The following DRD3 variants were observed in gnomAD, a reference collection of about 807,000 sequenced individuals.
DRD3 encodes the protein dopamine receptor D3.
A neutral mutation model predicts 36.3 loss-of-function variants in DRD3; 19 were observed. The observed-to-expected ratio is 0.52, with a 90% CI of 0.36 to 0.77. The LOEUF is 0.77. Among genes scored for constraint, DRD3 ranks in the 30% least tolerant of loss-of-function variants. The pLI is 0.00. For synonymous variants in DRD3, 195 were observed against 203.7 expected (o/e 0.96, Z 0.36); for missense variants, 465 against 505.3 (o/e 0.92, Z 0.77).
At chr3:114,174,431 A>C (rs570973436) in intron 1 of DRD3, among the ~76,000 whole-genome samples, 117 of 151,500 alleles carry the variant, frequency 7.7e-4, no homozygotes, top group Middle Eastern at 3.4e-3. Context: ...TGGACTTTTT[A>C]CTCTGCCAAG....
intron 6 of DRD3, 135 bp from the exon 7 acceptor site, chr3:114,129,047 T>C: frequency 1.1e-6 from 1 of 939,696 alleles, no homozygotes; most frequent in Non-Finnish European, 1.5e-6. Context: ...TTACTTTTTT[T>C]TATAACAACC....
chr3:114,128,636 G>A lies in DRD3; in HGVS notation c.*80C>T, dbSNP rs912269201. The A allele has an allele frequency of 2.1e-5, 29 of 1,366,410 alleles. No homozygotes were observed. The highest frequency in any genetic ancestry group is 2.0e-4 in the African/African-American group (14 of 68,786). 84.6% of individuals were successfully genotyped at this position (1,366,410 alleles called of 1,614,324 possible). On this transcript the variant is annotated 3_prime_UTR_variant, in exon 7 of 7. Coordinates refer to ENST00000383673, the MANE Select transcript of DRD3 (RefSeq NM_000796.6). ...ATCTTCTTCCTACTGCATGCCGGAG[G>A]ACACTGCACAGTCTTTCTGAGTGGG... is the stretch of plus-strand genomic sequence containing the variant.
chr3:114,140,641 G>T (rs898296516), intron 4 of DRD3, among the ~76,000 whole-genome samples: 2 of 152,226 alleles, frequency 1.3e-5, no homozygotes, highest in Admixed American at 1.3e-4. Context: ...GAGAGGTTCA[G>T]TAAGTAGCCC....
intron 1 of DRD3, among the ~76,000 whole-genome samples, chr3:114,186,016 T>C (rs1418547127): frequency 6.6e-6 from 1 of 152,148 alleles, no homozygotes; most frequent in Admixed American, 6.5e-5. Flanking sequence ...TTTACTACTT[T>C]AAAAAAATGT....
chr3:114,154,347 ATG>A (rs1374028324), intron 3 of DRD3, among the ~76,000 whole-genome samples: 1 of 143,136 alleles, frequency 7.0e-6, no homozygotes, highest in Non-Finnish European at 1.5e-5. Flanking sequence ...GTGTGTGTGT[ATG>A]TGTGTGTGTG....
At chr3:114,162,108 C>A (rs2077738829) in intron 2 of DRD3, among the ~76,000 whole-genome samples, 1 of 152,094 alleles carries the variant, frequency 6.6e-6, no homozygotes, top group South Asian at 2.1e-4. Context: ...AGAGGTTTTA[C>A]AAAATGTACT....
intron 2 of DRD3, among the ~76,000 whole-genome samples, chr3:114,167,003 C>G (rs1041166382): frequency 2.0e-5 from 3 of 152,208 alleles, no homozygotes; most frequent in Admixed American, 6.5e-5. Context: ...GTAAAACTTT[C>G]CTTTAAAAAA....
At chr3:114,164,220 C>CAA (rs34500434) in intron 2 of DRD3, among the ~76,000 whole-genome samples, 589 of 17,084 alleles carry the variant, frequency 0.034, 13 homozygotes, top group East Asian at 0.078. Context: ...GCCTCAGTCT[C>CAA]AAAAAAAAAA....
intron 3 of DRD3, among the ~76,000 whole-genome samples, chr3:114,148,825 G>C (rs1027265718): frequency 6.6e-6 from 1 of 152,124 alleles, no homozygotes; most frequent in Non-Finnish European, 1.5e-5. Flanking sequence ...CAATTCTCCT[G>C]CCTCAGCCTC....
intron 5 of DRD3, among the ~76,000 whole-genome samples, chr3:114,134,874 T>C (rs1378303001): frequency 2.6e-5 from 4 of 152,370 alleles, no homozygotes; most frequent in African/African-American, 9.6e-5. Context: ...CAATGTGTAA[T>C]GATCAAATCA....
chr3:114,184,652 T>A (rs1394759711), intron 1 of DRD3, among the ~76,000 whole-genome samples: 2 of 151,892 alleles, frequency 1.3e-5, no homozygotes, highest in Non-Finnish European at 2.9e-5. Context: ...TCTGGCAATG[T>A]CTTATGTTCT....
chr3:114,194,385 C>A (rs147495047), intron 1 of DRD3, among the ~76,000 whole-genome samples: 2 of 152,228 alleles, frequency 1.3e-5, no homozygotes, highest in African/African-American at 4.8e-5. Context: ...TAGGTTCAGG[C>A]GATCCTCCTG....
At chr3:114,135,971 G>A (rs886707696) in intron 5 of DRD3, among the ~76,000 whole-genome samples, 5 of 152,252 alleles carry the variant, frequency 3.3e-5, no homozygotes, top group Admixed American at 2.0e-4. Context: ...GATTACAGGC[G>A]TGAGCCACCA....
chr3:114,185,394 C>T (rs77506468), intron 1 of DRD3, among the ~76,000 whole-genome samples: 2,492 of 152,146 alleles, frequency 0.016, 68 homozygotes, highest in African/African-American at 0.054. Context: ...TTAAATCTGT[C>T]TAGTGAAGTT....
chr3:114,183,509 T>C (rs964247020), upstream of DRD3, among the ~76,000 whole-genome samples: 1 of 152,194 alleles, frequency 6.6e-6, no homozygotes, highest in Non-Finnish European at 1.5e-5. Context: ...CTATCTGTGA[T>C]TGAAGGTGGA....
chr3:114,131,229 G>C lies in DRD3; in HGVS notation c.895C>G (p.Arg299Gly). ...GATAATCTGCCATTGCTGAGTTTTCGAACTTCTAAGCTGAGCTTGGGCGCT... is the reference window on the plus strand; with the variant it reads ...GATAATCTGCCATTGCTGAGTTTTCCAACTTCTAAGCTGAGCTTGGGCGCT... ...TIAPKLSLEVRKLSNGRLSTS... is the reference protein window; with the variant it reads ...TIAPKLSLEVGKLSNGRLSTS... The change falls in exon 6 of 7, where the codon CGA becomes GGA. Residue 299 changes from arginine (R) to glycine (G), a missense_variant. Transcript: ENST00000383673. 2 of 1,614,200 alleles carry C rather than the reference G, an allele frequency of 1.2e-6. No homozygotes were observed. The highest frequency in any genetic ancestry group is 1.7e-6 in the Non-Finnish European group (2 of 1,180,044).
Position 114,167,134 on chromosome 3 carries a change from C to T in DRD3, c.270+4589G>A, listed in dbSNP as rs566698591. Among the ~76,000 whole-genome samples, 7 of 152,212 alleles carry T rather than the reference C, an allele frequency of 4.6e-5. No homozygotes were observed. In the East Asian group the frequency reaches 7.7e-4, roughly 17 times the overall value. ...GACCTCGATCGCTTTTTCTGTGGTG[C>T]GTTTCCTTGCCTGAACTCATCCTAT... On this transcript the variant is annotated intron_variant, in intron 2 of 6. Transcript: ENST00000383673.
At chr3:114,186,435 T>G (rs2077976200) in intron 1 of DRD3, among the ~76,000 whole-genome samples, 1 of 152,164 alleles carries the variant, frequency 6.6e-6, no homozygotes, top group African/African-American at 2.4e-5. Context: ...CTCTAAATCT[T>G]CTTGAAGTTA....
chr3:114,179,969 C>T (rs2077937299), upstream of DRD3, among the ~76,000 whole-genome samples: 1 of 151,882 alleles, frequency 6.6e-6, no homozygotes, highest in East Asian at 1.9e-4. Flanking sequence ...TATTTTTTAC[C>T]ATCCTTAATT....
Sources: gnomAD v4.1 joint callset for allele counts (sites outside exome capture counted in the v4.1 genomes callset) on GRCh38, gnomAD v4.1.1 for gene constraint, MANE v1.5 for transcripts, NCBI Gene and HGNC (gene_info 2026-07-23, HGNC 2026-07-21) for gene names.